Variants in SRL observed in about 807,000 individuals in gnomAD.
The protein encoded by SRL is sarcalumenin.
Under a neutral mutation model 39.5 loss-of-function variants are expected in SRL, and 23 were observed. That is an observed-to-expected ratio of 0.58 (90% CI 0.42 to 0.82). The LOEUF (loss-of-function observed/expected upper bound fraction) is 0.82. SRL is among the 40% of genes least tolerant of loss of function. The probability of loss-of-function intolerance (pLI) is 0.00; values close to 1 mark genes in which losing one functional copy is unlikely to be tolerated. For synonymous variants in SRL, 272 were observed against 237.4 expected, an observed-to-expected ratio of 1.15 and a Z score of -1.34; for missense variants, 592 against 607.8, an observed-to-expected ratio of 0.97 and a Z score of 0.27.
intron 4 of SRL, among the ~76,000 whole-genome samples, chr16:4,196,413 C>T (rs1038442463): frequency 1.3e-5 from 2 of 151,954 alleles, no homozygotes; most frequent in Non-Finnish European, 2.9e-5. Context: ...TCCCCATTTC[C>T]TCTTCCCCCA....
chr16:4,204,177 C>A (rs771247562), intron 2 of SRL, among the ~76,000 whole-genome samples: 7 of 152,228 alleles, frequency 4.6e-5, no homozygotes, highest in Non-Finnish European at 8.8e-5. Flanking sequence ...AATGAAACAG[C>A]ACACATGAAA....
At chr16:4,196,651 T>C (rs1350665858) in intron 4 of SRL, among the ~76,000 whole-genome samples, 1 of 152,026 alleles carries the variant, frequency 6.6e-6, no homozygotes, top group Non-Finnish European at 1.5e-5. Context: ...CAGCTAATTT[T>C]TGTATTTTTA....
intron 1 of SRL, among the ~76,000 whole-genome samples, chr16:4,229,932 G>GTCACAGAGTAAGCTGGT (rs1458649824): frequency 1.3e-5 from 2 of 152,070 alleles, no homozygotes; most frequent in Non-Finnish European, 2.9e-5. Flanking sequence ...GAAGAGCTGG[G>GTCACAGAGTAAGCTGGT]CCTCAGGTCA....
chr16:4,230,381 ATTT>A (rs5815199), intron 1 of SRL, among the ~76,000 whole-genome samples: 4 of 138,812 alleles, frequency 2.9e-5, no homozygotes, highest in Non-Finnish European at 3.1e-5. Flanking sequence ...TCAGAATGTG[ATTT>A]TTTTTTTTTT....
chr16:4,234,378 G>C (rs1215247679), intron 1 of SRL, among the ~76,000 whole-genome samples: 3 of 152,258 alleles, frequency 2.0e-5, no homozygotes, highest in Non-Finnish European at 4.4e-5. Flanking sequence ...CCCTGAGATG[G>C]GGTGGCTCAG....
At chr16:4,217,702 T>C (rs1298805649) in intron 1 of SRL, among the ~76,000 whole-genome samples, 1 of 152,228 alleles carries the variant, frequency 6.6e-6, no homozygotes, top group African/African-American at 2.4e-5. Context: ...TCAGAGCGTT[T>C]TAAACATCAG....
At chr16:4,210,999 TAC>T (rs1441278617) in intron 1 of SRL, among the ~76,000 whole-genome samples, 95 of 152,196 alleles carry the variant, frequency 6.2e-4, no homozygotes, top group East Asian at 3.9e-4. Context: ...CTGTGCACAT[TAC>T]AGTCTGAGAA....
At chr16:4,194,837 T>C (rs2052114395) in intron 5 of SRL, among the ~76,000 whole-genome samples, 1 of 151,930 alleles carries the variant, frequency 6.6e-6, no homozygotes, top group Non-Finnish European at 1.5e-5. Flanking sequence ...TAGGCAACAC[T>C]GGGCACACTT....
At chr16:4,204,270 G>T (rs180878608) in intron 2 of SRL, among the ~76,000 whole-genome samples, 1 of 152,182 alleles carries the variant, frequency 6.6e-6, no homozygotes, top group South Asian at 2.1e-4. Flanking sequence ...ACACCAGGCC[G>T]TCTACTTGGA....
At chr16:4,207,087 G>A (rs1238232123) in intron 1 of SRL, 1 of 454,404 alleles carries the variant, frequency 2.2e-6, no homozygotes, top group Admixed American at 2.4e-5. Context: ...GGCTTCCTGG[G>A]GCTCCCCAGC....
chr16:4,241,204 C>T (rs1228876543), intron 1 of SRL, among the ~76,000 whole-genome samples: 1 of 152,134 alleles, frequency 6.6e-6, no homozygotes, highest in African/African-American at 2.4e-5. Flanking sequence ...AAAGCATTCC[C>T]TCGGGGAACC....
chr16:4,198,386 C>A (rs904274508), intron 3 of SRL, among the ~76,000 whole-genome samples: 1 of 152,186 alleles, frequency 6.6e-6, no homozygotes, highest in Non-Finnish European at 1.5e-5. Context: ...CTCCTCCAGC[C>A]TGGGGCTCCC....
Position 4,191,843 on chromosome 16 carries a change from T to G in SRL, c.*310A>C. 3.3e-6 allele frequency: 1 copy of G among 305,730 alleles called. No individual in the cohort carries two copies. Among genetic ancestry groups the G allele is most frequent in the East Asian group, 5.6e-5 (1 of 17,718 alleles). The allele number at this position is 305,730 out of a possible 1,614,324, so 18.9% of individuals were successfully genotyped here. ...TTTAGCTTATTTGACCCTCACTGAT[T>G]TAAGATACACTAGAATTTAGCTGCT... On this transcript the variant is annotated 3_prime_UTR_variant, in exon 6 of 6. Coordinates refer to ENST00000399609, the MANE Select transcript of SRL (RefSeq NM_001098814.2).
chr16:4,237,040 C>T (rs1487871811), intron 1 of SRL, among the ~76,000 whole-genome samples: 3 of 151,988 alleles, frequency 2.0e-5, no homozygotes, highest in East Asian at 3.9e-4. Flanking sequence ...CTACCAAGCT[C>T]AAGCGATCCT....
At chr16:4,209,037 T>C (rs2052360587) in intron 1 of SRL, among the ~76,000 whole-genome samples, 1 of 150,158 alleles carries the variant, frequency 6.7e-6, no homozygotes. Context: ...CTTTGGGAGG[T>C]CGAGATAGGC....
At chr16:4,234,274 G>A (rs781351068) in intron 1 of SRL, among the ~76,000 whole-genome samples, 5 of 152,220 alleles carry the variant, frequency 3.3e-5, no homozygotes, top group Non-Finnish European at 7.3e-5. Flanking sequence ...GATTACAGGT[G>A]TGAGCCACTG....
Position 4,203,407 on chromosome 16 carries a change from T to C in SRL, c.164-146A>G, listed in dbSNP as rs886470959. The C allele has an allele frequency of 5.2e-5, 33 of 631,360 alleles. No individual in the cohort carries two copies. The East Asian group carries it at 8.7e-4, about 17-fold the overall frequency. 39.1% of individuals were successfully genotyped at this position (631,360 alleles called of 1,614,324 possible). A position where few individuals can be genotyped will look rare whatever the true frequency, so the allele number is the denominator to read the frequency against. ...TGTTTGCAGCCCAGCGACTGTGCAA[T>C]GTATTTGCATATGGGGAGCTGGCCC... On this transcript the variant is annotated intron_variant, in intron 2 of 5. Coordinates refer to ENST00000399609, the MANE Select transcript of SRL (RefSeq NM_001098814.2).
At position 4,204,066 on chromosome 16, in the gene SRL, C is replaced by T. The variant is rs1015245588; in HGVS notation, c.163+467G>A. The stretch of plus-strand genomic sequence containing the variant: ...ACCCCTCGATCCGCCACCCTCTAGC[C>T]GTGGGCCAGGAGCAAATCGCTGCTA... On this transcript the variant is annotated intron_variant, in intron 2 of 5. Coordinates refer to ENST00000399609, the MANE Select transcript of SRL (RefSeq NM_001098814.2). Among the ~76,000 whole-genome samples, 11 of 152,308 alleles carry T rather than the reference C, an allele frequency of 7.2e-5. No individual in the cohort carries two copies. In the South Asian group the frequency reaches 1.9e-3, roughly 26 times the overall value.
Position 4,198,032 on chromosome 16 carries a change from G to A in SRL, c.260-117C>T, listed in dbSNP as rs1032645850. ...CCAACTGAGTTGTGGAATTCTCCAT[G>A]AATCAGACGTGTGTAGCCCCCAGTG... On this transcript the variant is annotated intron_variant, in intron 3 of 5. Transcript: ENST00000399609. 4 of 736,880 alleles carry A rather than the reference G, an allele frequency of 5.4e-6. No homozygotes were observed. In the African/African-American group the frequency reaches 6.9e-5, roughly 13 times the overall value. 45.6% of individuals were successfully genotyped at this position (736,880 alleles called of 1,614,324 possible).
Sources: gnomAD v4.1 joint callset for allele counts (sites outside exome capture counted in the v4.1 genomes callset) on GRCh38, gnomAD v4.1.1 for gene constraint, MANE v1.5 for transcripts, NCBI Gene and HGNC (gene_info 2026-07-23, HGNC 2026-07-21) for gene names.